The following TOM1L2 variants were observed in gnomAD, a reference collection of about 807,000 sequenced individuals.
TOM1L2 encodes the protein target of myb1 like 2 membrane trafficking protein.
TOM1L2 carries 31 observed loss-of-function variants against 67.9 expected under a neutral mutation model. The ratio of observed to expected loss-of-function variants is 0.46; its 90% CI spans 0.34 to 0.62. The LOEUF (loss-of-function observed/expected upper bound fraction) is 0.62. TOM1L2 is among the 20% of genes least tolerant of loss of function. TOM1L2 has a pLI of 0.01. For synonymous variants in TOM1L2, 256 were observed against 254.0 expected, an observed-to-expected ratio of 1.01 and a Z score of -0.07; for missense variants, 606 against 663.5, an observed-to-expected ratio of 0.91 and a Z score of 0.95.
intron 12 of TOM1L2, among the ~76,000 whole-genome samples, chr17:17,853,271 C>T (rs2036089678): frequency 6.6e-6 from 1 of 152,238 alleles, no homozygotes; most frequent in South Asian, 2.1e-4. Context: ...TTAGAGTGTG[C>T]ACCAGCCCTT....
intron 1 of TOM1L2, among the ~76,000 whole-genome samples, chr17:17,925,682 C>CAAAA (rs1193121320): frequency 3.8e-5 from 3 of 79,702 alleles, no homozygotes; most frequent in Admixed American, 1.4e-4. Context: ...TCGTGTCTAC[C>CAAAA]AAAAAAAAAA....
chr17:17,862,903 C>A (rs1349839677), intron 10 of TOM1L2, 55 bp from the exon 11 acceptor site: 4 of 1,230,498 alleles, frequency 3.3e-6, no homozygotes, highest in Admixed American at 2.0e-5. Flanking sequence ...GACTGTAGAT[C>A]TGATGAAGGG....
intron 1 of TOM1L2, among the ~76,000 whole-genome samples, chr17:17,961,967 T>G (rs1406008738): frequency 6.6e-6 from 1 of 151,824 alleles, no homozygotes; most frequent in Admixed American, 6.6e-5. Flanking sequence ...TGGAAGCAAC[T>G]CAGGTGACCA....
intron 12 of TOM1L2, chr17:17,851,240 A>C (rs1453249310): frequency 2.2e-6 from 1 of 448,150 alleles, no homozygotes; most frequent in African/African-American, 2.0e-5. Flanking sequence ...CTTTTTGACT[A>C]TGAGTGTCCA....
In TOM1L2 at chr17:17,847,515, T is replaced by C; in HGVS notation, c.*120A>G. On this transcript the variant is annotated 3_prime_UTR_variant, in exon 15 of 15. Transcript: ENST00000379504. ...GGCCTGGGAGCAGACACGGTGGCAT[T>C]TCCATGGAAACACAGGTGTGCAGGC... is the stretch of plus-strand genomic sequence containing the variant. The C allele has an allele frequency of 7.4e-7, 1 of 1,357,360 alleles. No homozygotes were observed. The highest frequency in any genetic ancestry group is 1.5e-5 in the African/African-American group (1 of 68,826). 84.1% of individuals were successfully genotyped at this position (1,357,360 alleles called of 1,614,324 possible). A position where few individuals can be genotyped will look rare whatever the true frequency, so the allele number is the denominator to read the frequency against.
At chr17:17,870,154 A>C (rs1395545754) in intron 7 of TOM1L2, among the ~76,000 whole-genome samples, 1 of 152,132 alleles carries the variant, frequency 6.6e-6, no homozygotes, top group Non-Finnish European at 1.5e-5. Flanking sequence ...CACGTCTGCC[A>C]CTTTGCCGAG....
intron 1 of TOM1L2, among the ~76,000 whole-genome samples, chr17:17,948,094 C>T (rs754556673): frequency 6.6e-6 from 1 of 152,274 alleles, no homozygotes; most frequent in South Asian, 2.1e-4. Flanking sequence ...AACTAAGGCT[C>T]AGAGACATTA....
In TOM1L2 at chr17:17,851,785, C is replaced by T. The variant is rs189889450; in HGVS notation, c.1279-833G>A. Among the ~76,000 whole-genome samples, 14 of 152,330 alleles carry T rather than the reference C, an allele frequency of 9.2e-5. No homozygotes were observed. In the East Asian group the frequency reaches 2.7e-3, roughly 29 times the overall value. On this transcript the variant is annotated intron_variant, in intron 12 of 14. Transcript: ENST00000379504. Reference sequence around the variant, plus strand: ...CAAAGAAACCAAGTTCAGCTGAGCACTGGGGCGCAGCAGCCAGAGCCAGGG... The same window carrying T: ...CAAAGAAACCAAGTTCAGCTGAGCATTGGGGCGCAGCAGCCAGAGCCAGGG...
chr17:17,860,953 G>A (rs1000815705), intron 12 of TOM1L2, among the ~76,000 whole-genome samples: 6 of 152,212 alleles, frequency 3.9e-5, no homozygotes, highest in African/African-American at 1.4e-4. Context: ...GCTCTCGAGT[G>A]CCTTCTAATG....
At chr17:17,907,600 A>C in intron 1 of TOM1L2, 69 bp from the exon 2 acceptor site, 1 of 1,392,034 alleles carries the variant, frequency 7.2e-7, no homozygotes, top group Non-Finnish European at 1.0e-6. Flanking sequence ...GGAAATGGGA[A>C]GAGACCAGAA....
chr17:17,856,661 A>T (rs531084801), intron 12 of TOM1L2, among the ~76,000 whole-genome samples: 2 of 152,340 alleles, frequency 1.3e-5, no homozygotes, highest in East Asian at 3.9e-4. Flanking sequence ...GGAGAGGCAC[A>T]TGTTTGCACT....
chr17:17,876,907 A>C (rs1443766151), intron 7 of TOM1L2, among the ~76,000 whole-genome samples: 1 of 152,250 alleles, frequency 6.6e-6, no homozygotes, highest in African/African-American at 2.4e-5. Flanking sequence ...CTGTGGAAGA[A>C]ATCTGAACAC....
Position 17,893,753 on chromosome 17 carries a change from G to C in TOM1L2, c.274C>G (p.Arg92Gly). ...ACCAGAACACTGTCGATGAAATCTC[G>C]GTTGGCCACAAGGATGTGGAAGCGG... is the stretch of plus-strand genomic sequence containing the variant. ...GHRFHILVAN[R>G]DFIDSVLVKI... Residue 92 changes from arginine (R) to glycine (G), a missense_variant, in exon 4 of 15, where the codon CGA becomes GGA. Arg to Gly is a moderately radical substitution (Grantham distance 125). Transcript: ENST00000379504. 4 of 1,614,110 alleles carry C rather than the reference G, an allele frequency of 2.5e-6. No individual in the cohort carries two copies. Among genetic ancestry groups the C allele is most frequent in the Non-Finnish European group, 3.4e-6 (4 of 1,180,006 alleles).
chr17:17,899,497 T>A (rs2144305696), intron 2 of TOM1L2, among the ~76,000 whole-genome samples: 1 of 152,378 alleles, frequency 6.6e-6, no homozygotes, highest in South Asian at 2.1e-4. Flanking sequence ...TCTTCCTTAA[T>A]TACTCTTATA....
intron 12 of TOM1L2, chr17:17,857,946 T>C (rs2036336066): frequency 8.5e-7 from 1 of 1,180,694 alleles, no homozygotes; most frequent in African/African-American, 1.5e-5. Flanking sequence ...GACGTGATCC[T>C]TTGCCACGTA....
chr17:17,910,733 C>T (rs1305320533), intron 1 of TOM1L2, among the ~76,000 whole-genome samples: 1 of 152,056 alleles, frequency 6.6e-6, no homozygotes, highest in Non-Finnish European at 1.5e-5. Context: ...CCATGCCTGG[C>T]TAATTTTTGT....
At chr17:17,892,824 A>G (rs945833752) in intron 4 of TOM1L2, among the ~76,000 whole-genome samples, 1 of 152,202 alleles carries the variant, frequency 6.6e-6, no homozygotes, top group Non-Finnish European at 1.5e-5. Flanking sequence ...TAGGTCATCA[A>G]GACCTAATCT....
At chr17:17,863,253 G>A (rs1171979442) in intron 10 of TOM1L2, 1 of 183,574 alleles carries the variant, frequency 5.4e-6, no homozygotes, top group African/African-American at 2.4e-5. Flanking sequence ...CATGTTCAGA[G>A]CTAGATCTTG....
intron 1 of TOM1L2, among the ~76,000 whole-genome samples, chr17:17,925,715 T>C (rs927544433): frequency 4.1e-5 from 6 of 146,620 alleles, no homozygotes; most frequent in Non-Finnish European, 8.9e-5. Flanking sequence ...ATTAGCCAGA[T>C]GTGGTAACGC....
Sources: allele counts gnomAD v4.1 joint callset (sites outside exome capture counted in the v4.1 genomes callset), GRCh38; gene constraint gnomAD v4.1.1; transcripts MANE v1.5; gene names NCBI Gene and HGNC (gene_info 2026-07-23, HGNC 2026-07-21).